Variants in KIF6 observed in about 807,000 individuals in gnomAD.
KIF6 encodes kinesin-like protein KIF6.
In KIF6, 106 loss-of-function variants were observed where a neutral mutation model predicts 112.7. The ratio of observed to expected loss-of-function variants is 0.94; its 90% CI spans 0.80 to 1.11. The LOEUF is 1.11. Ranked by LOEUF, KIF6 falls within the 50% of genes least tolerant of loss-of-function variation. The pLI, the probability that KIF6 is intolerant of heterozygous loss-of-function variation, is 0.00. For missense variants in KIF6, 929 were observed against 964.0 expected, an observed-to-expected ratio of 0.96 and a Z score of 0.48; for synonymous variants, 339 against 339.9, an observed-to-expected ratio of 1.00 and a Z score of 0.03.
chr6:39,608,168 G>T (rs1474385665), intron 6 of KIF6, among the ~76,000 whole-genome samples: 1 of 152,142 alleles, frequency 6.6e-6, no homozygotes, highest in East Asian at 1.9e-4. Context: ...AATGTGCAAA[G>T]CCTGAGAGCT....
At chr6:39,651,738 A>C (rs1785483400) in intron 3 of KIF6, among the ~76,000 whole-genome samples, 1 of 152,204 alleles carries the variant, frequency 6.6e-6, no homozygotes, top group Non-Finnish European at 1.5e-5. Flanking sequence ...ATAATAATCA[A>C]GGAGGAAAAT....
intron 13 of KIF6, among the ~76,000 whole-genome samples, chr6:39,475,839 AAAG>A (rs1369335882): frequency 3.3e-5 from 5 of 152,214 alleles, no homozygotes; most frequent in African/African-American, 1.2e-4. Flanking sequence ...AGCTGTTAGA[AAAG>A]TCACACCATG....
chr6:39,518,877 C>T (rs1777216878), intron 13 of KIF6, among the ~76,000 whole-genome samples: 1 of 152,188 alleles, frequency 6.6e-6, no homozygotes, highest in Non-Finnish European at 1.5e-5. Context: ...AAACACATCT[C>T]AATGGCACAA....
chr6:39,609,487 CAGTACACAG>C (rs72196039), intron 6 of KIF6, among the ~76,000 whole-genome samples: 29,794 of 152,024 alleles, frequency 0.2, 3,104 homozygotes, highest in Admixed American at 0.29. Context: ...CTACAGCTGC[CAGTACACAG>C]TACAACAAAC....
At chr6:39,380,995 G>A (rs1036666974) in intron 16 of KIF6, among the ~76,000 whole-genome samples, 7 of 152,142 alleles carry the variant, frequency 4.6e-5, no homozygotes, top group African/African-American at 1.2e-4. Flanking sequence ...AACAGTTTAT[G>A]CTTTTATGGA....
intron 13 of KIF6, among the ~76,000 whole-genome samples, chr6:39,474,452 G>A (rs1774307741): frequency 6.6e-6 from 1 of 152,184 alleles, no homozygotes; most frequent in African/African-American, 2.4e-5. Context: ...TTTAATTGCA[G>A]GTATGCAGTA....
chr6:39,356,024 C>T (rs756038546), intron 19 of KIF6, among the ~76,000 whole-genome samples: 25 of 151,930 alleles, frequency 1.6e-4, no homozygotes, highest in East Asian at 1.9e-4. Flanking sequence ...CCACCCAGGA[C>T]GCCACTTTAC....
intron 7 of KIF6, among the ~76,000 whole-genome samples, chr6:39,588,968 C>T (rs1187084403): frequency 6.6e-6 from 1 of 152,172 alleles, no homozygotes; most frequent in Non-Finnish European, 1.5e-5. Flanking sequence ...GAGAAATCTT[C>T]ACACAATCTA....
chr6:39,684,616 CA>C (rs58959171), intron 3 of KIF6, among the ~76,000 whole-genome samples: 11,664 of 130,712 alleles, frequency 0.089, 464 homozygotes, highest in Middle Eastern at 0.12. Context: ...ACCTCTGTCT[CA>C]AAAAAAAAAA....
chr6:39,592,460 A>G (rs1782003465), intron 7 of KIF6, among the ~76,000 whole-genome samples: 1 of 152,212 alleles, frequency 6.6e-6, no homozygotes, highest in African/African-American at 2.4e-5. Context: ...CTAAATGGAA[A>G]CTAAAACTCT....
At chr6:39,674,013 T>TG (rs1440613125) in intron 3 of KIF6, among the ~76,000 whole-genome samples, 6 of 152,136 alleles carry the variant, frequency 3.9e-5, no homozygotes, top group East Asian at 1.9e-4. Flanking sequence ...ACTATTCTTT[T>TG]GGGGAAATAT....
chr6:39,638,147 A>G (rs1784722823), intron 4 of KIF6, among the ~76,000 whole-genome samples: 1 of 152,092 alleles, frequency 6.6e-6, no homozygotes, highest in Non-Finnish European at 1.5e-5. Flanking sequence ...CCACATTAAT[A>G]TCCATATGTG....
In KIF6 at chr6:39,455,786, T is replaced by C. The variant is rs903201270; in HGVS notation, c.1646-24625A>G. On this transcript the variant is annotated intron_variant, in intron 13 of 22. Coordinates refer to ENST00000287152, the MANE Select transcript of KIF6 (RefSeq NM_145027.6). ...AGGGTATCAACAATGGAAGATGAAA[T>C]GAATGAAATGAAGCGAGAAGGGAAG... Among the ~76,000 whole-genome samples, 4 of 150,914 alleles carry C rather than the reference T, an allele frequency of 2.7e-5. No individual in the cohort carries two copies. The East Asian group carries it at 5.8e-4, about 22-fold the overall frequency.
intron 13 of KIF6, among the ~76,000 whole-genome samples, chr6:39,518,534 T>C (rs1018142784): frequency 1.3e-5 from 2 of 152,262 alleles, no homozygotes; most frequent in Non-Finnish European, 2.9e-5. Context: ...AACATAGGAC[T>C]TGAAATATGA....
chr6:39,490,753 G>A (rs1245664948), intron 13 of KIF6, among the ~76,000 whole-genome samples: 1 of 152,092 alleles, frequency 6.6e-6, no homozygotes, highest in East Asian at 1.9e-4. Flanking sequence ...AGCCATTAAA[G>A]ACTATGATAA....
chr6:39,616,693 A>G (rs1447473202), intron 5 of KIF6, among the ~76,000 whole-genome samples: 1 of 152,096 alleles, frequency 6.6e-6, no homozygotes, highest in Admixed American at 6.5e-5. Flanking sequence ...TCCTTTTTGC[A>G]CTAAGTCTTG....
rs1561897377 is a variant in KIF6, at chr6:39,649,757, GAAA to G, written c.252-10003_252-10001del. Among the ~76,000 whole-genome samples the G allele has an allele frequency of 3.7e-3, 387 of 104,174 alleles. 4 individuals carry two copies. Among genetic ancestry groups the G allele is most frequent in the Admixed American group, 4.5e-3 (35 of 7,712 alleles). 68.3% of individuals were successfully genotyped at this position (104,174 alleles called of 152,430 possible). A position where few individuals can be genotyped will look rare whatever the true frequency, so the allele number is the denominator to read the frequency against. The stretch of plus-strand genomic sequence containing the variant: ...AGAAAGAAAGAAAGAAAGAAAGAAA[GAAA>G]GAAAGAAAGAAAGAAAAGAAACTAA... On this transcript the variant is annotated intron_variant, in intron 3 of 22. Transcript: ENST00000287152.
chr6:39,336,151 C>T lies in KIF6; in HGVS notation c.*381G>A, dbSNP rs1403517098. On this transcript the variant is annotated 3_prime_UTR_variant, in exon 23 of 23. Transcript: ENST00000287152. ...AAATAAAAATATTCCCCCCACATTC[C>T]ACTGGTGTGAGCATCCTCTGACATT... The T allele has an allele frequency of 5.6e-6, 1 of 178,660 alleles. No homozygotes were observed. The highest frequency in any genetic ancestry group is 1.2e-5 in the Non-Finnish European group (1 of 85,704). 11.1% of individuals were successfully genotyped at this position (178,660 alleles called of 1,614,324 possible).
At chr6:39,704,800 GA>G (rs1789099348) in intron 3 of KIF6, among the ~76,000 whole-genome samples, 1 of 152,170 alleles carries the variant, frequency 6.6e-6, no homozygotes, top group African/African-American at 2.4e-5. Context: ...TCAGCTTTCT[GA>G]AAATAATCTG....
Sources: allele counts gnomAD v4.1 joint callset (sites outside exome capture counted in the v4.1 genomes callset), GRCh38; gene constraint gnomAD v4.1.1; transcripts MANE v1.5; gene names NCBI Gene and HGNC (gene_info 2026-07-23, HGNC 2026-07-21).